The following XKR9 variants were observed in gnomAD, a reference collection of about 807,000 sequenced individuals.
XKR9 encodes XK-related protein 9.
Under a neutral mutation model 32.0 loss-of-function variants are expected in XKR9, and 32 were observed. The ratio of observed to expected loss-of-function variants is 1.00; its 90% CI spans 0.76 to 1.34. The LOEUF (loss-of-function observed/expected upper bound fraction) is 1.34, where lower values mean the gene tolerates loss of function less well. XKR9 is among the 40% of genes most tolerant of loss of function. The pLI is 0.00. For synonymous variants in XKR9, 168 were observed against 143.4 expected, an observed-to-expected ratio of 1.17 and a Z score of -1.22; for missense variants, 546 against 429.7, an observed-to-expected ratio of 1.27 and a Z score of -2.39.
chr8:71,049,716 T>C, the XKR9 span, among the ~76,000 whole-genome samples: 1 of 151,856 alleles, frequency 6.6e-6, no homozygotes, highest in African/African-American at 2.4e-5. Flanking sequence ...TGAGAGGGGA[T>C]AAAGAAGGGA....
the XKR9 span, among the ~76,000 whole-genome samples, chr8:70,901,627 G>A: frequency 2.6e-5 from 4 of 152,086 alleles, no homozygotes; most frequent in Non-Finnish European, 5.9e-5. Context: ...TCACTCTGAT[G>A]GTAGTTTCTT....
the XKR9 span, among the ~76,000 whole-genome samples, chr8:70,950,447 A>G: frequency 2.0e-5 from 3 of 152,122 alleles, no homozygotes; most frequent in Non-Finnish European, 2.9e-5. Context: ...AGGCAGAAGT[A>G]GCAGCAAAGG....
the XKR9 span, among the ~76,000 whole-genome samples, chr8:70,803,395 T>C: frequency 2.0e-5 from 3 of 152,232 alleles, no homozygotes; most frequent in African/African-American, 7.2e-5. Context: ...TTCTCCTAAG[T>C]GTTGATGACC....
intron 2 of XKR9, among the ~76,000 whole-genome samples, chr8:70,770,817 A>G (rs1179364622): frequency 1.3e-5 from 2 of 152,134 alleles, no homozygotes; most frequent in Non-Finnish European, 2.9e-5. Flanking sequence ...GGCAGTGAGA[A>G]TTTCCAGCCT....
At chr8:70,950,086 G>C in the XKR9 span, among the ~76,000 whole-genome samples, 1 of 152,182 alleles carries the variant, frequency 6.6e-6, no homozygotes, top group East Asian at 1.9e-4. Flanking sequence ...GACCAGCTGA[G>C]TTGAGTCCTA....
intron 2 of XKR9, among the ~76,000 whole-genome samples, chr8:70,678,788 A>G (rs1156487720): frequency 1.3e-5 from 2 of 152,240 alleles, no homozygotes; most frequent in African/African-American, 2.4e-5. Context: ...TTTTAATATT[A>G]TTCTGAAGAC....
chr8:70,915,071 G>A, the XKR9 span, among the ~76,000 whole-genome samples: 1 of 152,076 alleles, frequency 6.6e-6, no homozygotes, highest in Non-Finnish European at 1.5e-5. Flanking sequence ...GGGGGTTGAA[G>A]TGGGTTCTTC....
chr8:70,930,514 G>GATATTTTAA, the XKR9 span, among the ~76,000 whole-genome samples: 1 of 152,168 alleles, frequency 6.6e-6, no homozygotes, highest in African/African-American at 2.4e-5. Context: ...AAAAAAGAGA[G>GATATTTTAA]ATATTTTAAA....
At chr8:70,768,167 T>A (rs1807404006) in intron 2 of XKR9, among the ~76,000 whole-genome samples, 1 of 152,186 alleles carries the variant, frequency 6.6e-6, no homozygotes, top group Non-Finnish European at 1.5e-5. Flanking sequence ...TTTACCTTAA[T>A]TTTGTTATTT....
intron 4 of XKR9, among the ~76,000 whole-genome samples, chr8:70,712,769 A>G (rs1805963656): frequency 6.6e-6 from 1 of 152,188 alleles, no homozygotes; most frequent in South Asian, 2.1e-4. Context: ...CAAGCCATGA[A>G]TATAGTTTAG....
chr8:71,049,521 C>A, the XKR9 span, among the ~76,000 whole-genome samples: 1 of 152,138 alleles, frequency 6.6e-6, no homozygotes, highest in South Asian at 2.1e-4. Flanking sequence ...GAAGTGATCC[C>A]AACACAGAGG....
At chr8:70,808,901 C>T in the XKR9 span, among the ~76,000 whole-genome samples, 1 of 152,238 alleles carries the variant, frequency 6.6e-6, no homozygotes, top group Non-Finnish European at 1.5e-5. Flanking sequence ...GCAGCAGAAA[C>T]CTCTGCAGAC....
the XKR9 span, among the ~76,000 whole-genome samples, chr8:70,854,259 G>T: frequency 1.3e-5 from 2 of 152,162 alleles, no homozygotes; most frequent in Non-Finnish European, 2.9e-5. Context: ...GTTTTGATTT[G>T]CATTTCTCTG....
chr8:70,872,008 A>G, the XKR9 span, among the ~76,000 whole-genome samples: 1 of 152,216 alleles, frequency 6.6e-6, no homozygotes, highest in Admixed American at 6.5e-5. Flanking sequence ...TATGCACATC[A>G]TTGCTATGGA....
chr8:70,670,547 C>G (rs1057487038), intron 1 of XKR9: 1 of 151,042 alleles, frequency 6.6e-6, no homozygotes, highest in Admixed American at 6.6e-5. Flanking sequence ...TTGACACATA[C>G]AGTGCTTGGT....
chr8:71,055,662 C>T, the XKR9 span, among the ~76,000 whole-genome samples: 11 of 152,008 alleles, frequency 7.2e-5, no homozygotes, highest in Non-Finnish European at 1.6e-4. Flanking sequence ...TAATCCTCCC[C>T]GACATTGATG....
chr8:70,957,595 C>T, the XKR9 span, among the ~76,000 whole-genome samples: 2 of 152,002 alleles, frequency 1.3e-5, no homozygotes, highest in Non-Finnish European at 2.9e-5. Flanking sequence ...TCCATGTGTT[C>T]TCATCATTCA....
chr8:70,702,567 C>T (rs1805577010), intron 3 of XKR9, among the ~76,000 whole-genome samples: 1 of 152,026 alleles, frequency 6.6e-6, no homozygotes, highest in Admixed American at 6.6e-5. Flanking sequence ...TCTCACTTTA[C>T]CTTTGTCAAT....
chr8:71,000,974 G>A, the XKR9 span, among the ~76,000 whole-genome samples: 3 of 152,224 alleles, frequency 2.0e-5, no homozygotes, highest in Non-Finnish European at 4.4e-5. Flanking sequence ...GAAGATCTCA[G>A]CTCTAGTTTC....
Sources: gnomAD v4.1 joint callset for allele counts (sites outside exome capture counted in the v4.1 genomes callset) on GRCh38, gnomAD v4.1.1 for gene constraint, MANE v1.5 for transcripts, NCBI Gene and HGNC (gene_info 2026-07-23, HGNC 2026-07-21) for gene names.